The following NAV1 variants were observed in gnomAD, a reference collection of about 807,000 sequenced individuals.
The protein encoded by NAV1 is neuron navigator 1, also known as pore membrane and/or filament interacting like protein 3.
A neutral mutation model predicts 175.2 loss-of-function variants in NAV1; 18 were observed. The ratio of observed to expected loss-of-function variants is 0.10; its 90% CI spans 0.07 to 0.15. NAV1 has a LOEUF of 0.15. Among genes scored for constraint, NAV1 ranks in the 10% least tolerant of loss-of-function variants. NAV1 has a pLI of 1.00. For synonymous variants in NAV1, 897 were observed against 978.7 expected, an observed-to-expected ratio of 0.92 and a Z score of 1.56; for missense variants, 1,731 against 2,436.6, an observed-to-expected ratio of 0.71 and a Z score of 6.10.
At chr1:201,579,622 C>T (rs1666790414) in intron 1 of NAV1, among the ~76,000 whole-genome samples, 1 of 152,192 alleles carries the variant, frequency 6.6e-6, no homozygotes, top group Non-Finnish European at 1.5e-5. Flanking sequence ...TCTCAAAACG[C>T]TGGGATTACA....
At chr1:201,656,099 C>T (rs1669393157) in intron 1 of NAV1, among the ~76,000 whole-genome samples, 1 of 152,262 alleles carries the variant, frequency 6.6e-6, no homozygotes, top group Non-Finnish European at 1.5e-5. Context: ...TTGACACACA[C>T]TTCTCCAACT....
chr1:201,614,402 A>G (rs1366519152), intron 2 of NAV1, among the ~76,000 whole-genome samples: 2 of 152,184 alleles, frequency 1.3e-5, no homozygotes, highest in African/African-American at 4.8e-5. Flanking sequence ...CCTCAAGGGC[A>G]GGAAGGGCGG....
At position 201,785,445 on chromosome 1, in the gene NAV1, A is replaced by AT. The variant is rs1450723448; in HGVS notation, c.2846+97dup. The AT allele has an allele frequency of 6.9e-6, 9 of 1,303,360 alleles. No individual in the cohort carries two copies. The East Asian group carries it at 1.8e-4, about 27-fold the overall frequency. The allele number at this position is 1,303,360 out of a possible 1,614,324, so 80.7% of individuals were successfully genotyped here. ...AACCTGTCCAAGGCTCCAGTCATGA[A>AT]TTTAGTCACCCTTTTAGCTGAATCA... On this transcript the variant is annotated intron_variant, in intron 8 of 29. Coordinates refer to ENST00000367296, the Ensembl canonical transcript of NAV1.
chr1:201,542,833 C>T (rs1352135118), intron 1 of NAV1, among the ~76,000 whole-genome samples: 1 of 152,236 alleles, frequency 6.6e-6, no homozygotes, highest in Non-Finnish European at 1.5e-5. Flanking sequence ...GATGATTCCA[C>T]TTCAAAAGAC....
upstream of NAV1, among the ~76,000 whole-genome samples, chr1:201,647,741 C>T (rs1457993515): frequency 1.3e-5 from 2 of 151,972 alleles, no homozygotes; most frequent in African/African-American, 4.8e-5. Flanking sequence ...AAACCAAAGA[C>T]GGTTTGGGGT....
At chr1:201,633,540 G>A (rs1233243210) in intron 2 of NAV1, among the ~76,000 whole-genome samples, 1 of 152,148 alleles carries the variant, frequency 6.6e-6, no homozygotes, top group Non-Finnish European at 1.5e-5. Flanking sequence ...GCTCAACTCA[G>A]TCTCCCTTAG....
At chr1:201,670,917 A>T (rs1571875172) in intron 1 of NAV1, among the ~76,000 whole-genome samples, 1 of 151,964 alleles carries the variant, frequency 6.6e-6, no homozygotes, top group African/African-American at 2.4e-5. Flanking sequence ...TGATGGCAGC[A>T]ATGATGGTGG....
intron 2 of NAV1, 75 bp downstream of exon 4, chr1:201,629,582 G>A: frequency 9.9e-7 from 1 of 1,011,708 alleles, no homozygotes; most frequent in Non-Finnish European, 1.3e-6. Flanking sequence ...GGAAGAAGAA[G>A]TGACCTAGGC....
chr1:201,810,907 T>C lies in NAV1; in HGVS notation c.4797+149T>C, dbSNP rs901305263. Reference sequence around the variant, plus strand: ...TTCTGTGTTCATTTCCTTCCCTCTCTATCTATCCCCTTTTCCAGTCTTCTC... The same window carrying C: ...TTCTGTGTTCATTTCCTTCCCTCTCCATCTATCCCCTTTTCCAGTCTTCTC... On this transcript the variant is annotated intron_variant, in intron 24 of 29. Coordinates refer to ENST00000367296, the Ensembl canonical transcript of NAV1. The surrounding 1 kb of genome is among the most constrained non-coding windows in gnomAD (Gnocchi z 6.0). The C allele has an allele frequency of 1.9e-5, 12 of 638,956 alleles. No individual in the cohort carries two copies. In the Admixed American group the frequency reaches 3.4e-4, roughly 18 times the overall value. The allele number at this position is 638,956 out of a possible 1,614,324, so 39.6% of individuals were successfully genotyped here.
At chr1:201,591,641 G>A (rs1031363213) in intron 2 of NAV1, among the ~76,000 whole-genome samples, 1 of 152,174 alleles carries the variant, frequency 6.6e-6, no homozygotes, top group African/African-American at 2.4e-5. Context: ...CTCTGGGTAG[G>A]AGACCCATCG....
At chr1:201,753,117 G>A (rs1674236138) in intron 3 of NAV1, among the ~76,000 whole-genome samples, 1 of 152,124 alleles carries the variant, frequency 6.6e-6, no homozygotes, top group South Asian at 2.1e-4. Context: ...GCTTTGGAAG[G>A]AAGCTTCCCA....
chr1:201,555,458 G>A (rs1370499773), intron 1 of NAV1, among the ~76,000 whole-genome samples: 1 of 152,154 alleles, frequency 6.6e-6, no homozygotes, highest in Non-Finnish European at 1.5e-5. Context: ...AAGCTCTGAG[G>A]TTTTGAGTCT....
chr1:201,588,297 A>T (rs1248157671), intron 1 of NAV1, among the ~76,000 whole-genome samples: 1 of 152,202 alleles, frequency 6.6e-6, no homozygotes, highest in Non-Finnish European at 1.5e-5. Context: ...CTAAGTGAAA[A>T]AAGCCATACA....
At chr1:201,559,772 G>A (rs918191376) in intron 1 of NAV1, among the ~76,000 whole-genome samples, 27 of 152,198 alleles carry the variant, frequency 1.8e-4, no homozygotes, top group African/African-American at 6.3e-4. Flanking sequence ...ATTCTGGGAA[G>A]GAGGAAGAAT....
intron 1 of NAV1, among the ~76,000 whole-genome samples, chr1:201,580,584 C>T (rs1225006576): frequency 1.3e-5 from 2 of 152,024 alleles, no homozygotes; most frequent in East Asian, 3.9e-4. Flanking sequence ...ACCAGCCTGG[C>T]CAACATGGTG....
chr1:201,815,670 C>T (rs1421781711), intron 28 of NAV1, among the ~76,000 whole-genome samples: 3 of 152,106 alleles, frequency 2.0e-5, no homozygotes, highest in Non-Finnish European at 4.4e-5. Flanking sequence ...ATATATTGTA[C>T]CATATGGTGA....
chr1:201,678,889 A>G (rs1325261389), intron 1 of NAV1, among the ~76,000 whole-genome samples: 2 of 152,146 alleles, frequency 1.3e-5, no homozygotes. Flanking sequence ...TGAGGCATCC[A>G]GTGGGGTGGA....
intron 3 of NAV1, among the ~76,000 whole-genome samples, chr1:201,742,946 C>T (rs11588214): frequency 0.23 from 35,464 of 152,040 alleles, 4,962 homozygotes; most frequent in Non-Finnish European, 0.32. Context: ...GGGGACAGTC[C>T]GTGTCTAACA....
chr1:201,628,226 T>C (rs1273833421), intron 1 of NAV1, among the ~76,000 whole-genome samples: 1 of 150,984 alleles, frequency 6.6e-6, no homozygotes, highest in East Asian at 1.9e-4. Flanking sequence ...TGAGGCCTCC[T>C]GCTTTCTCTA....
Sources: allele counts gnomAD v4.1 joint callset (sites outside exome capture counted in the v4.1 genomes callset), GRCh38; gene constraint gnomAD v4.1.1; non-coding constraint Gnocchi (gnomAD v3.1); transcripts MANE v1.5; gene names NCBI Gene and HGNC (gene_info 2026-07-23, HGNC 2026-07-21).